Variants in KIAA0825 observed in about 807,000 individuals in gnomAD.
KIAA0825 encodes the protein uncharacterized protein KIAA0825.
In KIAA0825, 119 loss-of-function variants were observed where a neutral mutation model predicts 147.6. The observed-to-expected ratio is 0.81, with a 90% CI of 0.69 to 0.94. The LOEUF (loss-of-function observed/expected upper bound fraction) is 0.94, where lower values mean the gene tolerates loss of function less well. Among genes scored for constraint, KIAA0825 ranks in the 40% least tolerant of loss-of-function variants. KIAA0825 has a pLI of 0.00. For missense variants in KIAA0825, 1,381 were observed against 1,472.7 expected (o/e 0.94, Z 1.02); for synonymous variants, 470 against 518.1 (o/e 0.91, Z 1.26).
intron 7 of KIAA0825, among the ~76,000 whole-genome samples, chr5:94,474,826 G>A (rs556071995): frequency 6.6e-6 from 1 of 152,128 alleles, no homozygotes; most frequent in South Asian, 2.1e-4. Flanking sequence ...CAAAAATCAT[G>A]CCAGTAATCC....
chr5:94,287,327 A>G (rs1203071267), intron 20 of KIAA0825, among the ~76,000 whole-genome samples: 1 of 152,200 alleles, frequency 6.6e-6, no homozygotes, highest in African/African-American at 2.4e-5. Context: ...ATCTTAAAAT[A>G]TGAAGACAAT....
At chr5:94,375,477 G>A (rs1747425137) in intron 20 of KIAA0825, among the ~76,000 whole-genome samples, 1 of 152,114 alleles carries the variant, frequency 6.6e-6, no homozygotes, top group Non-Finnish European at 1.5e-5. Context: ...ATGTGCTGAA[G>A]TAGCTCTCTG....
At chr5:94,364,472 C>T (rs951122279) in intron 20 of KIAA0825, among the ~76,000 whole-genome samples, 2 of 151,936 alleles carry the variant, frequency 1.3e-5, no homozygotes, top group African/African-American at 2.4e-5. Context: ...AGCTCTGCCT[C>T]CCGGGTTCAC....
chr5:94,325,396 T>G (rs1057207378), intron 20 of KIAA0825, among the ~76,000 whole-genome samples: 1 of 151,878 alleles, frequency 6.6e-6, no homozygotes, highest in Non-Finnish European at 1.5e-5. Context: ...AAAACACAAT[T>G]GAAAATAAAT....
At chr5:94,594,656 A>C in intron 1 of KIAA0825, 1 of 627,324 alleles carries the variant, frequency 1.6e-6, no homozygotes, top group Non-Finnish European at 3.0e-6. Context: ...CTTCTATGAA[A>C]AAATGACATT....
chr5:94,510,293 C>T (rs1766302257), intron 5 of KIAA0825, among the ~76,000 whole-genome samples: 1 of 152,182 alleles, frequency 6.6e-6, no homozygotes, highest in African/African-American at 2.4e-5. Context: ...TTTTATTTCA[C>T]TGGCATCATA....
chr5:94,222,947 G>C (rs1250300533), intron 20 of KIAA0825, among the ~76,000 whole-genome samples: 3 of 152,052 alleles, frequency 2.0e-5, no homozygotes, highest in Non-Finnish European at 4.4e-5. Context: ...CCTTTTGTAT[G>C]TGTGGCAAGA....
At chr5:94,461,048 C>T (rs1441841494) in intron 12 of KIAA0825, among the ~76,000 whole-genome samples, 3 of 151,760 alleles carry the variant, frequency 2.0e-5, no homozygotes, top group African/African-American at 4.8e-5. Context: ...GGTTACAGTG[C>T]AATATCTAAT....
At chr5:94,169,435 A>C (rs1457750545) in intron 20 of KIAA0825, among the ~76,000 whole-genome samples, 1 of 152,032 alleles carries the variant, frequency 6.6e-6, no homozygotes, top group Non-Finnish European at 1.5e-5. Context: ...TACAAAAATT[A>C]GCGGGGCATG....
At chr5:94,168,452 A>G (rs1209971506) in intron 20 of KIAA0825, among the ~76,000 whole-genome samples, 3 of 152,210 alleles carry the variant, frequency 2.0e-5, no homozygotes, top group African/African-American at 7.2e-5. Flanking sequence ...TGTTCTATAT[A>G]TTTAAGTAGG....
chr5:94,282,859 AG>A (rs1777522255), intron 20 of KIAA0825, among the ~76,000 whole-genome samples: 1 of 152,124 alleles, frequency 6.6e-6, no homozygotes, highest in Admixed American at 6.6e-5. Context: ...AAAAATCATA[AG>A]AAATATTTTC....
chr5:94,506,004 G>C (rs1765694963), intron 5 of KIAA0825, among the ~76,000 whole-genome samples: 1 of 152,058 alleles, frequency 6.6e-6, no homozygotes, highest in Admixed American at 6.5e-5. Context: ...ATTGTCCCCA[G>C]GTAGCATTTG....
At chr5:94,357,450 GT>G (rs1269800876) in intron 20 of KIAA0825, among the ~76,000 whole-genome samples, 1 of 152,180 alleles carries the variant, frequency 6.6e-6, no homozygotes, top group African/African-American at 2.4e-5. Context: ...AGAAATTCAA[GT>G]TGTATAAAAC....
intron 20 of KIAA0825, among the ~76,000 whole-genome samples, chr5:94,252,140 G>C (rs1775994131): frequency 6.6e-6 from 1 of 151,896 alleles, no homozygotes; most frequent in African/African-American, 2.4e-5. Context: ...ATGAATTACT[G>C]AATTAAACAC....
chr5:94,348,599 A>T (rs1783276628), intron 20 of KIAA0825, among the ~76,000 whole-genome samples: 1 of 152,216 alleles, frequency 6.6e-6, no homozygotes, highest in South Asian at 2.1e-4. Flanking sequence ...ACTCACAGAA[A>T]CTTAAAGAAA....
chr5:94,177,668 G>A (rs2149966862), intron 20 of KIAA0825, among the ~76,000 whole-genome samples: 1 of 152,194 alleles, frequency 6.6e-6, no homozygotes, highest in East Asian at 1.9e-4. Context: ...TGGTTGAATG[G>A]CTGCGTATTA....
At chr5:94,427,179 G>A (rs1755003435) in intron 14 of KIAA0825, among the ~76,000 whole-genome samples, 2 of 152,162 alleles carry the variant, frequency 1.3e-5, no homozygotes, top group Admixed American at 1.3e-4. Flanking sequence ...ATAAGTAGGT[G>A]TCAGCTTTTC....
chr5:94,365,763 T>A (rs1745759447), intron 20 of KIAA0825, among the ~76,000 whole-genome samples: 1 of 152,200 alleles, frequency 6.6e-6, no homozygotes, highest in Non-Finnish European at 1.5e-5. Flanking sequence ...ACAACCCCCC[T>A]TCCTGCCTGC....
intron 20 of KIAA0825, among the ~76,000 whole-genome samples, chr5:94,233,100 A>G (rs1172198122): frequency 6.6e-6 from 1 of 152,238 alleles, no homozygotes; most frequent in Non-Finnish European, 1.5e-5. Flanking sequence ...GATAAGTGAC[A>G]GAATTCTGCC....
Sources: gnomAD v4.1 joint callset for allele counts (sites outside exome capture counted in the v4.1 genomes callset) on GRCh38, gnomAD v4.1.1 for gene constraint, MANE v1.5 for transcripts, NCBI Gene and HGNC (gene_info 2026-07-23, HGNC 2026-07-21) for gene names.